The following TSPEAR variants were observed in gnomAD, a reference collection of about 807,000 sequenced individuals.
TSPEAR encodes the protein thrombospondin type laminin G domain and EAR repeats.
A neutral mutation model predicts 71.6 loss-of-function variants in TSPEAR; 69 were observed. The observed-to-expected ratio is 0.96, with a 90% CI of 0.79 to 1.18. The LOEUF (loss-of-function observed/expected upper bound fraction) is 1.18. TSPEAR is among the 50% of genes most tolerant of loss of function. The probability of loss-of-function intolerance (pLI) is 0.00; values close to 1 mark genes in which losing one functional copy is unlikely to be tolerated. For missense variants in TSPEAR, 971 were observed against 894.9 expected, an observed-to-expected ratio of 1.09 and a Z score of -1.09; for synonymous variants, 402 against 387.2, an observed-to-expected ratio of 1.04 and a Z score of -0.45.
At position 44,527,378 on chromosome 21, in the gene TSPEAR, T is replaced by TGTAGAC; in HGVS notation, c.1057_1062dup (p.Val353_Tyr354dup). 6.2e-7 allele frequency: 1 copy of TGTAGAC among 1,614,216 alleles called. No individual in the cohort carries two copies. Among genetic ancestry groups the TGTAGAC allele is most frequent in the Non-Finnish European group, 8.5e-7 (1 of 1,180,052 alleles). ...GAGACGAACTTCTCTTCGGTCCACT[T>TGTAGAC]GTAGACGGCGGATGTGGCTTTGCGA... On this transcript the variant is annotated inframe_insertion, in exon 7 of 12. Transcript: ENST00000323084.
In TSPEAR at chr21:44,502,760, G is replaced by A. The variant is rs140857859; in HGVS notation, c.1856+2020C>T. Among the ~76,000 whole-genome samples, 804 of 152,356 alleles carry A rather than the reference G, an allele frequency of 5.3e-3. 10 individuals are homozygous for A. Among genetic ancestry groups the A allele is most frequent in the African/African-American group, 0.019 (770 of 41,582 alleles). The stretch of plus-strand genomic sequence containing the variant: ...AATCTCGGAAATGACACCTGACTTG[G>A]GACTCGCTGTGAGCCGGTGGCACCT... On this transcript the variant is annotated intron_variant, in intron 11 of 11. Transcript: ENST00000323084.
At chr21:44,682,208 A>G (rs1402824816) in intron 1 of TSPEAR, 2 of 1,488,974 alleles carry the variant, frequency 1.3e-6, no homozygotes, top group Non-Finnish European at 1.8e-6. Context: ...ACCTGGACCC[A>G]GGCATCCCCA....
At chr21:44,706,897 C>T (rs1883044) in intron 1 of TSPEAR, among the ~76,000 whole-genome samples, 8 of 152,108 alleles carry the variant, frequency 5.3e-5, no homozygotes, top group Non-Finnish European at 7.4e-5. Flanking sequence ...CCAAGCCCCA[C>T]CACCTTGGTG....
At chr21:44,643,650 A>G (rs1279102178) in intron 1 of TSPEAR, among the ~76,000 whole-genome samples, 4 of 152,224 alleles carry the variant, frequency 2.6e-5, no homozygotes, top group African/African-American at 9.7e-5. Flanking sequence ...AACTATACTC[A>G]TAAAATAGAA....
At chr21:44,692,715 T>C (rs1310893387) in intron 1 of TSPEAR, among the ~76,000 whole-genome samples, 1 of 152,104 alleles carries the variant, frequency 6.6e-6, no homozygotes, top group Non-Finnish European at 1.5e-5. Context: ...AAAGAAGACC[T>C]AAATAAATGG....
At chr21:44,578,261 C>T (rs587594291) in intron 1 of TSPEAR, among the ~76,000 whole-genome samples, 26 of 152,280 alleles carry the variant, frequency 1.7e-4, no homozygotes, top group Middle Eastern at 3.4e-3. Context: ...ATGCAAACAA[C>T]TCTATGTCAA....
At position 44,707,108 on chromosome 21, in the gene TSPEAR, G is replaced by A. The variant is rs947175110; in HGVS notation, c.82+4325C>T. On this transcript the variant is annotated intron_variant, in intron 1 of 11. Coordinates refer to ENST00000323084, the MANE Select transcript of TSPEAR (RefSeq NM_144991.3). ...TCGCCTCCATTTATCAGTTGTGTGG[G>A]GTTGGGCGAGCACCCCTAGCCCCAG... is the stretch of plus-strand genomic sequence containing the variant. 5.9e-5 allele frequency among the ~76,000 whole-genome samples: 9 copies of A among 152,362 alleles called. No homozygotes were observed. The South Asian group carries it at 1.9e-3, about 32-fold the overall frequency.
At chr21:44,631,616 C>T (rs1983261864) in intron 1 of TSPEAR, among the ~76,000 whole-genome samples, 1 of 152,084 alleles carries the variant, frequency 6.6e-6, no homozygotes, top group African/African-American at 2.4e-5. Context: ...ATCTCAGCTA[C>T]TCGGGAGCCT....
At chr21:44,599,236 T>C (rs1980608940) in intron 1 of TSPEAR, among the ~76,000 whole-genome samples, 1 of 150,412 alleles carries the variant, frequency 6.6e-6, no homozygotes, top group African/African-American at 2.4e-5. Flanking sequence ...AAATTTATAT[T>C]ATTTTTATAG....
chr21:44,634,222 C>T lies in TSPEAR; in HGVS notation c.83-66217G>A, dbSNP rs188819272. ...TATGATTGTGCCACTGCACTCCAGC[C>T]TGGGCAACAGGCTGAGCAATACCCT... On this transcript the variant is annotated intron_variant, in intron 1 of 11. Coordinates refer to ENST00000323084, the MANE Select transcript of TSPEAR (RefSeq NM_144991.3). Among the ~76,000 whole-genome samples the T allele has an allele frequency of 6.2e-4, 95 of 152,302 alleles. 1 individual carries two copies. The highest frequency in any genetic ancestry group is 4.1e-3 in the Admixed American group (63 of 15,302).
At chr21:44,562,710 T>TG (rs1370862628) in intron 2 of TSPEAR, among the ~76,000 whole-genome samples, 2 of 152,134 alleles carry the variant, frequency 1.3e-5, no homozygotes, top group Non-Finnish European at 2.9e-5. Flanking sequence ...GGTAGTATGA[T>TG]GGTACATTCA....
chr21:44,681,008 G>A (rs1266426411), intron 1 of TSPEAR, among the ~76,000 whole-genome samples: 1 of 152,202 alleles, frequency 6.6e-6, no homozygotes, highest in Non-Finnish European at 1.5e-5. Flanking sequence ...AAGAGAGAGT[G>A]TAAAATGTCC....
intron 1 of TSPEAR, among the ~76,000 whole-genome samples, chr21:44,598,649 G>T (rs1980532615): frequency 6.6e-6 from 1 of 152,150 alleles, no homozygotes; most frequent in Non-Finnish European, 1.5e-5. Flanking sequence ...TGAAACCTTA[G>T]AAAACTTTCA....
intron 2 of TSPEAR, chr21:44,550,572 G>A (rs1349282758): frequency 4.8e-5 from 68 of 1,431,038 alleles, no homozygotes; most frequent in South Asian, 1.7e-4. Flanking sequence ...GGGGCTGGGC[G>A]GCTGTGGCTG....
Position 44,711,347 on chromosome 21 carries a change from T to G in TSPEAR, c.82+86A>C. The G allele has an allele frequency of 7.9e-7, 1 of 1,259,088 alleles. No individual in the cohort carries two copies. Among genetic ancestry groups the G allele is most frequent in the Non-Finnish European group, 1.1e-6 (1 of 894,348 alleles). The allele number at this position is 1,259,088 out of a possible 1,614,324, so 78.0% of individuals were successfully genotyped here. On this transcript the variant is annotated intron_variant, in intron 1 of 11. Transcript: ENST00000323084. The surrounding 1 kb of genome is among the most constrained non-coding windows in gnomAD (Gnocchi z 4.5). ...CCTCGGGCACCGCGGCTTGAATCAG[T>G]GTTAGAAAGTGGCATTTGTGACTCG...
intron 1 of TSPEAR, among the ~76,000 whole-genome samples, chr21:44,582,151 G>A (rs781911768): frequency 1.3e-5 from 2 of 152,208 alleles, no homozygotes; most frequent in Admixed American, 6.5e-5. Flanking sequence ...TCATATCAGC[G>A]GGTGTGCTAC....
intron 1 of TSPEAR, chr21:44,627,019 A>C: frequency 8.1e-7 from 1 of 1,239,324 alleles, no homozygotes; most frequent in Non-Finnish European, 1.1e-6. Flanking sequence ...CTCAGCAACA[A>C]GGAAGGGGAA....
intron 1 of TSPEAR, among the ~76,000 whole-genome samples, chr21:44,651,975 CTTTCTTTTTTTTTT>C (rs1377397126): frequency 7.4e-6 from 1 of 134,884 alleles, no homozygotes; most frequent in Non-Finnish European, 1.6e-5. Flanking sequence ...CTGAATAAAA[CTTTCTTTTTTTTTT>C]TTTTTTTTTT....
chr21:44,582,003 T>G (rs1290467531), intron 1 of TSPEAR, among the ~76,000 whole-genome samples: 1 of 152,236 alleles, frequency 6.6e-6, no homozygotes, highest in Non-Finnish European at 1.5e-5. Flanking sequence ...TTTTATTTTT[T>G]ATAACTCTTT....
Sources: gnomAD v4.1 joint callset for allele counts (sites outside exome capture counted in the v4.1 genomes callset) on GRCh38, gnomAD v4.1.1 for gene constraint, Gnocchi (gnomAD v3.1) non-coding constraint, MANE v1.5 for transcripts, NCBI Gene and HGNC (gene_info 2026-07-23, HGNC 2026-07-21) for gene names.